The following CFAP68 variants were observed in gnomAD, a reference collection of about 807,000 sequenced individuals.
CFAP68 encodes cilia- and flagella-associated protein 68.
the CFAP68 span, among the ~76,000 whole-genome samples, chr11:111,880,283 T>A: frequency 1.3e-5 from 2 of 152,174 alleles, no homozygotes; most frequent in Non-Finnish European, 2.9e-5. Context: ...CTCCCACTTA[T>A]AAGTGAGAAT....
chr11:111,881,255 C>T, the CFAP68 span: 220 of 1,403,962 alleles, frequency 1.6e-4, no homozygotes, highest in Non-Finnish European at 2.0e-4. Context: ...AGTACCAGGC[C>T]CATTGGACTT....
At chr11:111,882,540 G>A in the CFAP68 span, 8 of 1,613,742 alleles carry the variant, frequency 5.0e-6, no homozygotes, top group Non-Finnish European at 6.8e-6. Flanking sequence ...ATGGGCAACT[G>A]GAACCAGGAA....
the CFAP68 span, among the ~76,000 whole-genome samples, chr11:111,879,881 A>G: frequency 6.6e-6 from 1 of 152,210 alleles, no homozygotes; most frequent in Non-Finnish European, 1.5e-5. Context: ...TTGAAAGCTA[A>G]CAGGGTAAAA....
At chr11:111,881,557 A>T in the CFAP68 span, 1 of 1,536,030 alleles carries the variant, frequency 6.5e-7, no homozygotes, top group Non-Finnish European at 8.7e-7. Flanking sequence ...TGTGACTCTC[A>T]TAAGAAATCT....
the CFAP68 span, among the ~76,000 whole-genome samples, chr11:111,880,323 G>T: frequency 6.6e-6 from 1 of 152,184 alleles, no homozygotes; most frequent in East Asian, 1.9e-4. Context: ...GAGCAACTCC[G>T]TCTTGAATAG....
At chr11:111,885,814 G>A in the CFAP68 span, 2 of 151,832 alleles carry the variant, frequency 1.3e-5, no homozygotes, top group South Asian at 2.1e-4. Context: ...CTTTAGTTTC[G>A]AGATATAGAT....
the CFAP68 span, among the ~76,000 whole-genome samples, chr11:111,881,807 A>G: frequency 1.3e-5 from 2 of 152,248 alleles, no homozygotes; most frequent in African/African-American, 4.8e-5. Context: ...AGGGGCATAC[A>G]GCTCTGTATA....
the CFAP68 span, among the ~76,000 whole-genome samples, chr11:111,883,592 CAA>C: frequency 4.1e-5 from 5 of 121,746 alleles, no homozygotes; most frequent in East Asian, 2.4e-4. Context: ...GACTCTATCT[CAA>C]AAAAAAAAAA....
chr11:111,883,058 TTCATG>T, the CFAP68 span: 1 of 1,066,840 alleles, frequency 9.4e-7, no homozygotes, highest in South Asian at 1.4e-5. Context: ...TCCGTGAGAA[TTCATG>T]TCATATTGAT....
At chr11:111,882,100 G>A in the CFAP68 span, among the ~76,000 whole-genome samples, 8 of 152,162 alleles carry the variant, frequency 5.3e-5, no homozygotes, top group East Asian at 1.5e-3. Flanking sequence ...TATTGTATTG[G>A]GAATACTGAA....
the CFAP68 span, chr11:111,884,021 C>T: frequency 1.0e-5 from 6 of 599,528 alleles, no homozygotes; most frequent in Non-Finnish European, 1.7e-5. Flanking sequence ...AAAAATTTAG[C>T]TCACTGTAAC....
At chr11:111,882,370 A>C in the CFAP68 span, 59 of 1,612,784 alleles carry the variant, frequency 3.7e-5, no homozygotes, top group Middle Eastern at 3.3e-4. Flanking sequence ...TTTCCCAGAG[A>C]CAGAACCTCG....
the CFAP68 span, chr11:111,882,740 A>G: frequency 2.6e-6 from 2 of 755,854 alleles, no homozygotes; most frequent in Admixed American, 6.5e-5. Context: ...GCAGAGGAAC[A>G]GTCCGCAGCT....
the CFAP68 span, chr11:111,884,020 G>C: frequency 8.3e-6 from 5 of 605,308 alleles, no homozygotes; most frequent in Non-Finnish European, 1.4e-5. Context: ...TAAAAATTTA[G>C]CTCACTGTAA....
At chr11:111,885,744 G>A in the CFAP68 span, 1 of 152,094 alleles carries the variant, frequency 6.6e-6, no homozygotes, top group East Asian at 1.9e-4. Context: ...CCCATATGTT[G>A]TCCTCGTAAG....
the CFAP68 span, chr11:111,882,632 T>G: frequency 6.6e-7 from 1 of 1,508,490 alleles, no homozygotes; most frequent in Non-Finnish European, 8.9e-7. Flanking sequence ...TTTGTTTGTT[T>G]CCTTCTGTTG....
At chr11:111,879,704 A>G in the CFAP68 span, 1 of 1,350,126 alleles carries the variant, frequency 7.4e-7, no homozygotes, top group Non-Finnish European at 1.1e-6. Context: ...GTGGATGAAC[A>G]AAATGTGGCC....
At chr11:111,882,348 C>G in the CFAP68 span, 6 of 1,595,668 alleles carry the variant, frequency 3.8e-6, no homozygotes, top group Non-Finnish European at 5.2e-6. Context: ...ATAAGCTTTT[C>G]TATTCTTGTC....
the CFAP68 span, chr11:111,881,749 A>G: frequency 9.4e-7 from 1 of 1,066,294 alleles, no homozygotes; most frequent in Non-Finnish European, 1.3e-6. Context: ...TTGGGAGAAC[A>G]GGCAGAAGGA....
Sources: allele counts gnomAD v4.1 joint callset (sites outside exome capture counted in the v4.1 genomes callset), GRCh38; gene constraint gnomAD v4.1.1; transcripts MANE v1.5; gene names NCBI Gene and HGNC (gene_info 2026-07-23, HGNC 2026-07-21).